Variants in NEK10 observed in about 807,000 individuals in gnomAD.
NEK10 encodes the protein NIMA related kinase 10, also known as serine/threonine-protein kinase Nek10.
In NEK10, 122 loss-of-function variants were observed where a neutral mutation model predicts 159.8. The ratio of observed to expected loss-of-function variants is 0.76; its 90% confidence interval spans 0.66 to 0.89. NEK10 has a LOEUF of 0.89. NEK10 is among the 40% of genes least tolerant of loss of function. NEK10 has a pLI of 0.00. For missense variants in NEK10, 1,342 were observed against 1,323.1 expected, an observed-to-expected ratio of 1.01 and a Z score of -0.22; for synonymous variants, 466 against 457.1, an observed-to-expected ratio of 1.02 and a Z score of -0.25.
chr3:27,128,966 T>C (rs547186446), intron 32 of NEK10, among the ~76,000 whole-genome samples: 1 of 152,284 alleles, frequency 6.6e-6, no homozygotes, highest in South Asian at 2.1e-4. Context: ...AGGAAATGTG[T>C]ATATTTTTTA....
intron 29 of NEK10, among the ~76,000 whole-genome samples, chr3:27,169,714 T>C (rs1407700509): frequency 6.6e-6 from 1 of 152,224 alleles, no homozygotes; most frequent in Non-Finnish European, 1.5e-5. Context: ...ACTTCATTTA[T>C]GTTATGTGAT....
chr3:27,325,238 A>G (rs2045927324), intron 5 of NEK10, among the ~76,000 whole-genome samples: 1 of 152,208 alleles, frequency 6.6e-6, no homozygotes, highest in Non-Finnish European at 1.5e-5. Context: ...CGTTAACAAA[A>G]GCCTAAAACA....
chr3:27,265,410 C>T (rs2040806173), intron 22 of NEK10, among the ~76,000 whole-genome samples: 1 of 152,190 alleles, frequency 6.6e-6, no homozygotes, highest in Admixed American at 6.5e-5. Flanking sequence ...TTGAGCGTTC[C>T]AGTTGCTTCT....
At chr3:27,140,273 T>A (rs970776727) in intron 31 of NEK10, among the ~76,000 whole-genome samples, 12 of 152,142 alleles carry the variant, frequency 7.9e-5, no homozygotes, top group Non-Finnish European at 1.2e-4. Flanking sequence ...AGTTTCCAGA[T>A]GCAAGTCAAT....
rs140440921 is a variant in NEK10, at chr3:27,281,096, A to G, written c.2014+3506T>C. ...CAAAAATTTTTGAAATTAAAATATG[A>G]TAATATAAATTTAATATTCAATGGA... On this transcript the variant is annotated intron_variant, in intron 22 of 35. Coordinates refer to ENST00000691995, the MANE Select transcript of NEK10 (RefSeq NM_001394966.1). Among the ~76,000 whole-genome samples the G allele has an allele frequency of 2.9e-3, 445 of 152,106 alleles. 4 individuals are homozygous for G. Among genetic ancestry groups the G allele is most frequent in the African/African-American group, 9.1e-3 (376 of 41,528 alleles).
rs981934722 is a variant in NEK10 at position 27,107,263 on chromosome 3, T to A, written c.*4009A>T. ...TCCATCAGACACCCCATGAAACTCA[T>A]AAAATCTTTCCTGTCCCTCTTGCAA... On this transcript the variant is annotated 3_prime_UTR_variant, in exon 36 of 36. Coordinates refer to ENST00000691995, the MANE Select transcript of NEK10 (RefSeq NM_001394966.1). 1.5e-4 allele frequency among the ~76,000 whole-genome samples: 23 copies of A among 152,220 alleles called. No homozygotes were observed. Among genetic ancestry groups the A allele is most frequent in the Middle Eastern group, 6.8e-3 (2 of 294 alleles).
At chr3:27,311,828 G>T in intron 8 of NEK10, 1 of 387,374 alleles carries the variant, frequency 2.6e-6, no homozygotes, top group East Asian at 4.8e-5. Flanking sequence ...ATAAAAAGAC[G>T]CAAAAATAGA....
intron 19 of NEK10, among the ~76,000 whole-genome samples, chr3:27,288,516 T>C (rs1248715398): frequency 6.6e-6 from 1 of 152,160 alleles, no homozygotes; most frequent in East Asian, 1.9e-4. Flanking sequence ...CCCTGACCAT[T>C]GGCTCTGAGT....
At chr3:27,263,773 G>A (rs2040633077) in intron 22 of NEK10, among the ~76,000 whole-genome samples, 1 of 152,154 alleles carries the variant, frequency 6.6e-6, no homozygotes, top group African/African-American at 2.4e-5. Context: ...CCCGGGTGAG[G>A]CAATGCCTCG....
intron 25 of NEK10, among the ~76,000 whole-genome samples, chr3:27,200,953 T>C (rs996588586): frequency 7.9e-5 from 12 of 152,032 alleles, no homozygotes; most frequent in African/African-American, 2.9e-4. Context: ...GGAGGGAGCA[T>C]GGGTGACAGG....
At chr3:27,362,213 A>C (rs570495147) in intron 1 of NEK10, among the ~76,000 whole-genome samples, 2 of 152,306 alleles carry the variant, frequency 1.3e-5, no homozygotes, top group East Asian at 3.9e-4. Context: ...GATGCAGGCA[A>C]GATGCTGAAA....
intron 31 of NEK10, among the ~76,000 whole-genome samples, chr3:27,136,102 GA>G (rs1376195993): frequency 8.5e-5 from 8 of 93,632 alleles, no homozygotes; most frequent in African/African-American, 3.3e-4. Flanking sequence ...CTAGGAGATC[GA>G]TTTTTTTTTT....
At chr3:27,116,337 G>A (rs1157913487) in intron 33 of NEK10, among the ~76,000 whole-genome samples, 2 of 152,000 alleles carry the variant, frequency 1.3e-5, no homozygotes, top group African/African-American at 4.8e-5. Flanking sequence ...CTTGGGCATG[G>A]GCATCACAAA....
At chr3:27,117,398 G>A (rs950050500) in intron 33 of NEK10, among the ~76,000 whole-genome samples, 1 of 152,174 alleles carries the variant, frequency 6.6e-6, no homozygotes, top group African/African-American at 2.4e-5. Flanking sequence ...TTGAGGAATA[G>A]CCACACTGTC....
chr3:27,261,108 CTCTTT>C (rs1217106586), intron 22 of NEK10, among the ~76,000 whole-genome samples: 1 of 152,070 alleles, frequency 6.6e-6, no homozygotes, highest in Non-Finnish European at 1.5e-5. Flanking sequence ...TGATTCTTCT[CTCTTT>C]TCTTCTTTAT....
Position 27,174,745 on chromosome 3 carries a change from G to C in NEK10, c.2594C>G (p.Pro865Arg), listed in dbSNP as rs140958685. Reference protein sequence around the residue: ...SELSESADLPPEGFQASYGKD... With the variant: ...SELSESADLPREGFQASYGKD... Reference sequence around the variant, plus strand: ...ACCATAGGAGGCCTGGAAGCCTTCAGGGGGCAGGTCTGCGCTTTCTGAAAG... The same window carrying C: ...ACCATAGGAGGCCTGGAAGCCTTCACGGGGCAGGTCTGCGCTTTCTGAAAG... Residue 865 changes from proline (P) to arginine (R), a missense_variant, in exon 27 of 36, where the codon CCT (proline) becomes CGT (arginine). Pro to Arg is a moderately radical substitution (Grantham distance 103). Transcript: ENST00000691995. 49 of 1,613,580 alleles carry C rather than the reference G, an allele frequency of 3.0e-5. No homozygotes were observed. The highest frequency in any genetic ancestry group is 3.6e-5 in the Non-Finnish European group (43 of 1,179,866).
rs184225977 is a variant in NEK10 at position 27,114,958 on chromosome 3, G to A, written c.3299+982C>T. Among the ~76,000 whole-genome samples the A allele has an allele frequency of 4.0e-3, 602 of 152,204 alleles. 3 individuals carry two copies. The highest frequency in any genetic ancestry group is 0.014 in the African/African-American group (576 of 41,540). On this transcript the variant is annotated intron_variant, in intron 35 of 35. Transcript: ENST00000691995. ...CCCTATCTATTCCACTTCAAAGCAC[G>A]CTGGCAGATTTCTACCTGCTAATAT... is the stretch of plus-strand genomic sequence containing the variant.
intron 23 of NEK10, among the ~76,000 whole-genome samples, chr3:27,229,957 T>C (rs554322440): frequency 1.3e-5 from 2 of 152,158 alleles, no homozygotes; most frequent in African/African-American, 4.8e-5. Context: ...TAGGGAATAA[T>C]TGAGGAAAAC....
At chr3:27,324,054 A>C (rs1303556913) in intron 5 of NEK10, among the ~76,000 whole-genome samples, 1 of 152,176 alleles carries the variant, frequency 6.6e-6, no homozygotes, top group Non-Finnish European at 1.5e-5. Context: ...TCATGCCTCT[A>C]TGAGCTCAGA....
Sources: gnomAD v4.1 joint callset for allele counts (sites outside exome capture counted in the v4.1 genomes callset) on GRCh38, gnomAD v4.1.1 for gene constraint, MANE v1.5 for transcripts, NCBI Gene and HGNC (gene_info 2026-07-23, HGNC 2026-07-21) for gene names.